Variants in SLITRK2 observed in about 807,000 individuals in gnomAD.
SLITRK2 encodes SLIT and NTRK like family member 2.
In SLITRK2, 13 loss-of-function variants were observed where a neutral mutation model predicts 35.4. That is an observed-to-expected ratio of 0.37 (90% CI 0.24 to 0.58). SLITRK2 has a LOEUF of 0.58. SLITRK2 is among the 20% of genes least tolerant of loss of function. The pLI, the probability that SLITRK2 is intolerant of heterozygous loss-of-function variation, is 0.75. For synonymous variants in SLITRK2, 294 were observed against 264.7 expected, an observed-to-expected ratio of 1.11 and a Z score of -1.07; for missense variants, 471 against 634.3, an observed-to-expected ratio of 0.74 and a Z score of 2.76.
Position 145,824,862 on chromosome X carries a change from G to C in SLITRK2, c.2437G>C (p.Gly813Arg). ...TGGAACTCCCAGGAAATGCTTTGTG[G>C]GGCAGTCAAAACCCAACCACCCTTT... ...LYGTPRKCFV[G>R]QSKPNHPLLQ... Residue 813 changes from glycine to arginine, a missense_variant, in exon 5 of 5, where the codon GGG becomes CGG. Transcript: ENST00000335565. 3 of 1,211,518 alleles carry C rather than the reference G, an allele frequency of 2.5e-6. No homozygotes were observed. In the South Asian group the frequency reaches 5.3e-5, roughly 21 times the overall value.
In SLITRK2 at chrX:145,824,993, A is replaced by G. The variant is rs1379631317; in HGVS notation, c.*30A>G. 1 of 1,178,963 alleles carries G rather than the reference A, an allele frequency of 8.5e-7. No homozygotes were observed. The highest frequency in any genetic ancestry group is 1.1e-6 in the Non-Finnish European group (1 of 880,321). ...AAATCATTTACAACCCTAAGGCATC[A>G]GAGGATGCTGCTCCGAACTGTTGGA... On this transcript the variant is annotated 3_prime_UTR_variant, in exon 5 of 5. Transcript: ENST00000335565.
chrX:145,822,908 A>G lies in SLITRK2; in HGVS notation c.483A>G (p.Lys161=). 8.3e-7 allele frequency: 1 copy of G among 1,211,442 alleles called. No individual in the cohort carries two copies. The highest frequency in any genetic ancestry group is 1.7e-5 in the African/African-American group (1 of 57,653). Residue 161 remains lysine, a synonymous_variant, in exon 5 of 5, where the codon AAA becomes AAG. Transcript: ENST00000335565. Reference sequence around the variant, plus strand: ...CATTCAGCAAACTTAACAAGCTCAAAGTGCTCATCCTGAATGACAACCTTC... The same window carrying G: ...CATTCAGCAAACTTAACAAGCTCAAGGTGCTCATCCTGAATGACAACCTTC... The part of the protein sequence containing the change: ...AGAFSKLNKL[K]VLILNDNLLL...
chrX:145,827,588 G>T lies in SLITRK2; in HGVS notation c.*2625G>T, dbSNP rs73599502. 2.4e-6 allele frequency: 2 copies of T among 850,755 alleles called. No homozygotes were observed. The highest frequency in any genetic ancestry group is 3.2e-6 in the Non-Finnish European group (2 of 629,861). The allele number at this position is 850,755 out of a possible 1,213,427, so 70.1% of individuals were successfully genotyped here. On this transcript the variant is annotated 3_prime_UTR_variant, in exon 5 of 5. Transcript: ENST00000335565. ...GAGAGAACTCAAATTTATAAACTCTGTTGCCTAATAATTATGGTTTAATTC... is the reference window on the plus strand; with the variant it reads ...GAGAGAACTCAAATTTATAAACTCTTTTGCCTAATAATTATGGTTTAATTC...
In SLITRK2 at chrX:145,824,376, C is replaced by T. The variant is rs782795493; in HGVS notation, c.1951C>T (p.Pro651Ser). 1 of 1,210,816 alleles carries T rather than the reference C, an allele frequency of 8.3e-7. No homozygotes were observed. The highest frequency in any genetic ancestry group is 1.1e-6 in the Non-Finnish European group (1 of 895,238). Residue 651 changes from proline to serine, a missense_variant, in exon 5 of 5, where the codon CCG becomes TCG. Pro to Ser is a moderately conservative substitution (Grantham distance 74). This residue lies in a region of SLITRK2 where 190 missense variants were observed against 199.3 expected (regional missense o/e 0.95). Transcript: ENST00000335565. Reference sequence around the variant, plus strand: ...TGTCTTGAAACGCCGAAAGGGAGTGCCGAGCGTTCCCAGGAATACCAACAA... The same window carrying T: ...TGTCTTGAAACGCCGAAAGGGAGTGTCGAGCGTTCCCAGGAATACCAACAA... Reference protein sequence around the residue: ...VFVLKRRKGVPSVPRNTNNLD... With the variant: ...VFVLKRRKGVSSVPRNTNNLD...
intron 1 of SLITRK2, chrX:145,820,252 G>T (rs934498671): frequency 3.6e-5 from 4 of 112,106 alleles, no homozygotes; most frequent in African/African-American, 1.3e-4. Context: ...GGCAACCAAG[G>T]CCTTTCCAGG....
Position 145,824,468 on chromosome X carries a change from C to T in SLITRK2, c.2043C>T (p.Asp681=), listed in dbSNP as rs182696674. 3.3e-5 allele frequency: 40 copies of T among 1,209,259 alleles called. No homozygotes were observed. The highest frequency in any genetic ancestry group is 7.1e-5 in the South Asian group (4 of 56,704). Residue 681 remains aspartate, a synonymous_variant, in exon 5 of 5, where the codon GAC becomes GAT. Coordinates refer to ENST00000335565, the MANE Select transcript of SLITRK2 (RefSeq NM_032539.5). ...SYNTETHDKT[D]GHVYNYIPPP... is the part of the protein sequence containing the mutation. ...ACACTGAGACTCACGATAAAACAGACGGCCATGTCTACAACTATATCCCCC... is the reference window on the plus strand; with the variant it reads ...ACACTGAGACTCACGATAAAACAGATGGCCATGTCTACAACTATATCCCCC...
intron 2 of SLITRK2, chrX:145,820,796 GA>G (rs2072989272): frequency 9.0e-6 from 1 of 111,360 alleles, no homozygotes; most frequent in Non-Finnish European, 1.9e-5. Flanking sequence ...ACCTCAGGGA[GA>G]AAAGGGGTTT....
rs552930637 is a variant in SLITRK2 at position 145,829,253 on chromosome X, A to G, written c.*4290A>G. 3 of 123,974 alleles carry G rather than the reference A, an allele frequency of 2.4e-5. No homozygotes were observed. Among genetic ancestry groups the G allele is most frequent in the South Asian group, 7.3e-4 (2 of 2,734 alleles). The allele number at this position is 123,974 out of a possible 1,213,427, so 10.2% of individuals were successfully genotyped here. A position where few individuals can be genotyped will look rare whatever the true frequency, so the allele number is the denominator to read the frequency against. ...TTAGGGGAGCTGCCATTTAGAGGAA[A>G]CTTGTGAATTCTTTCATAAAGCAGA... On this transcript the variant is annotated 3_prime_UTR_variant, in exon 5 of 5. Coordinates refer to ENST00000335565, the MANE Select transcript of SLITRK2 (RefSeq NM_032539.5).
rs2073131022 is a variant in SLITRK2 at position 145,826,744 on chromosome X, C to T, written c.*1781C>T. On this transcript the variant is annotated 3_prime_UTR_variant, in exon 5 of 5. Transcript: ENST00000335565. Reference sequence around the variant, plus strand: ...CTGTTTCCTTTTCATAAATAGGTTACTGCACATAATAATCCTTTATCGTCA... The same window carrying T: ...CTGTTTCCTTTTCATAAATAGGTTATTGCACATAATAATCCTTTATCGTCA... The T allele has an allele frequency of 8.9e-6, 1 of 112,095 alleles. No individual in the cohort carries two copies. The highest frequency in any genetic ancestry group is 9.5e-5 in the Admixed American group (1 of 10,542). The allele number at this position is 112,095 out of a possible 1,213,427, so 9.2% of individuals were successfully genotyped here.
At chrX:145,821,071 C>CCACACACACACACACACA (rs781985205) in intron 2 of SLITRK2, 3 of 90,896 alleles carry the variant, frequency 3.3e-5, no homozygotes, top group African/African-American at 1.4e-4. Flanking sequence ...AAGAGGCACA[C>CCACACACACACACACACA]CACACACACA....
At position 145,827,508 on chromosome X, in the gene SLITRK2, A is replaced by G; in HGVS notation, c.*2545A>G. 2 of 400,818 alleles carry G rather than the reference A, an allele frequency of 5.0e-6. No individual in the cohort carries two copies. Among genetic ancestry groups the G allele is most frequent in the Non-Finnish European group, 8.1e-6 (2 of 247,663 alleles). The allele number at this position is 400,818 out of a possible 1,213,427, so 33.0% of individuals were successfully genotyped here. ...AAAAAATATTAACTCATTAAGTTTA[A>G]AGACAGATGATACCTTAATATTAAC... On this transcript the variant is annotated 3_prime_UTR_variant, in exon 5 of 5. Coordinates refer to ENST00000335565, the MANE Select transcript of SLITRK2 (RefSeq NM_032539.5).
rs140937265 is a variant in SLITRK2, at chrX:145,823,179, A to G, written c.754A>G (p.Lys252Glu). Residue 252 changes from lysine (K) to glutamate (E), a missense_variant, in exon 5 of 5, where the codon AAA (lysine) becomes GAA (glutamate). By Grantham distance (56) the Lys-to-Glu change is moderately conservative. Coordinates refer to ENST00000335565, the MANE Select transcript of SLITRK2 (RefSeq NM_032539.5). The part of the protein sequence containing the change: ...VCETPFRLHG[K>E]DVTQLTRQDL... ...TGAGACTCCCTTTAGGTTGCATGGGAAAGACGTGACCCAGCTGACCAGGCA... is the reference window on the plus strand; with the variant it reads ...TGAGACTCCCTTTAGGTTGCATGGGGAAGACGTGACCCAGCTGACCAGGCA... The G allele has an allele frequency of 1.7e-6, 2 of 1,209,346 alleles. No homozygotes were observed. The highest frequency in any genetic ancestry group is 3.5e-5 in the African/African-American group (2 of 56,911).
At position 145,818,010 on chromosome X, in the gene SLITRK2, G is replaced by A. The variant is rs1442615258; in HGVS notation, c.-809G>A. On this transcript the variant is annotated 5_prime_UTR_variant, in exon 1 of 5. Coordinates refer to ENST00000335565, the MANE Select transcript of SLITRK2 (RefSeq NM_032539.5). ...GCGGGCGCCTCCGGGAAAAGATCTG[G>A]GCGGCGCGCTCGCTCGGTAAGTTCT... 1.8e-5 allele frequency: 2 copies of A among 110,356 alleles called. No individual in the cohort carries two copies. Among genetic ancestry groups the A allele is most frequent in the African/African-American group, 6.6e-5 (2 of 30,281 alleles). The allele number at this position is 110,356 out of a possible 1,213,427, so 9.1% of individuals were successfully genotyped here.
intron 1 of SLITRK2, 81 bp downstream of exon 1, chrX:145,818,107 C>G: frequency 8.9e-6 from 1 of 112,570 alleles, no homozygotes; most frequent in Admixed American, 9.3e-5. Context: ...TTCCCGGCCA[C>G]CTCTCCTTGC....
At position 145,827,974 on chromosome X, in the gene SLITRK2, C is replaced by T. The variant is rs1556946204; in HGVS notation, c.*3011C>T. The T allele has an allele frequency of 8.3e-7, 1 of 1,199,812 alleles. No individual in the cohort carries two copies. Among genetic ancestry groups the T allele is most frequent in the East Asian group, 3.0e-5 (1 of 33,635 alleles). On this transcript the variant is annotated 3_prime_UTR_variant, in exon 5 of 5. Coordinates refer to ENST00000335565, the MANE Select transcript of SLITRK2 (RefSeq NM_032539.5). ...CCTACAGAATGCAGTCTCCCAGGGC[C>T]CTGCCAAGAACATATCTGTATGTCT...
Position 145,824,137 on chromosome X carries a change from T to A in SLITRK2, c.1712T>A (p.Phe571Tyr), listed in dbSNP as rs1556944682. 4.1e-6 allele frequency: 5 copies of A among 1,210,121 alleles called. No individual in the cohort carries two copies. The Admixed American group carries it at 8.7e-5, about 21-fold the overall frequency. ...AAGCATGCAGGGGAGATACTAAAAT[T>A]TCTGGGGAGGGAGGCTATCTGTCCA... ...PAKHAGEILKFLGREAICPDS... is the reference protein window; with the variant it reads ...PAKHAGEILKYLGREAICPDS... Residue 571 changes from phenylalanine to tyrosine, a missense_variant, in exon 5 of 5, where the codon TTT (phenylalanine) becomes TAT (tyrosine). Coordinates refer to ENST00000335565, the MANE Select transcript of SLITRK2 (RefSeq NM_032539.5).
Position 145,823,466 on chromosome X carries a change from C to G in SLITRK2, c.1041C>G (p.Thr347=), listed in dbSNP as rs782330192. The G allele has an allele frequency of 4.4e-5, 53 of 1,209,473 alleles. No homozygotes were observed. Among genetic ancestry groups the G allele is most frequent in the Non-Finnish European group, 5.7e-5 (51 of 894,498 alleles). Residue 347 remains threonine, a synonymous_variant, in exon 5 of 5, where the codon ACC becomes ACG. Coordinates refer to ENST00000335565, the MANE Select transcript of SLITRK2 (RefSeq NM_032539.5). ...CCTGTCCCAGCAGCTGTGTCTGCAC[C>G]TCTCAGAGCTCAGACAATGGTCTGA... ...PLTCPSSCVC[T]SQSSDNGLNV...
In SLITRK2 at chrX:145,824,699, T is replaced by C. The variant is rs1556945133; in HGVS notation, c.2274T>C (p.Asn758=). The C allele has an allele frequency of 8.3e-7, 1 of 1,211,528 alleles. No homozygotes were observed. The highest frequency in any genetic ancestry group is 1.8e-5 in the South Asian group (1 of 56,940). ...GAGAGCCTGAGCTGCTGTATCAAAA[T>C]ATTGCTGAGCGAGTCAAGGAACTTC... The part of the protein sequence containing the change: ...TPREPELLYQ[N]IAERVKELPS... The change falls in exon 5 of 5, where the codon AAT becomes AAC. Residue 758 remains asparagine, a synonymous_variant. Coordinates refer to ENST00000335565, the MANE Select transcript of SLITRK2 (RefSeq NM_032539.5).
chrX:145,828,078 G>A lies in SLITRK2; in HGVS notation c.*3115G>A. ...GCTTTCACTATTTCCGAATATACCT[G>A]TGGCTAAGTTTTTATTGAAACACTC... is the stretch of plus-strand genomic sequence containing the variant. On this transcript the variant is annotated 3_prime_UTR_variant, in exon 5 of 5. Coordinates refer to ENST00000335565, the MANE Select transcript of SLITRK2 (RefSeq NM_032539.5). 1 of 976,586 alleles carries A rather than the reference G, an allele frequency of 1.0e-6. No homozygotes were observed. The highest frequency in any genetic ancestry group is 2.6e-5 in the South Asian group (1 of 37,897). 80.5% of individuals were successfully genotyped at this position (976,586 alleles called of 1,213,427 possible).
Sources: allele counts gnomAD v4.1 joint callset, GRCh38; gene constraint gnomAD v4.1.1; regional missense constraint gnomAD v4.1.1; transcripts MANE v1.5; gene names NCBI Gene and HGNC (gene_info 2026-07-23, HGNC 2026-07-21).